TTC12: variants seen among roughly 807,000 people sequenced by gnomAD.
The protein encoded by TTC12 is tetratricopeptide repeat protein 12.
In TTC12, 70 loss-of-function variants were observed where a neutral mutation model predicts 90.1. The ratio of observed to expected loss-of-function variants is 0.78; its 90% CI spans 0.64 to 0.95. The LOEUF is 0.95. TTC12 is among the 40% of genes least tolerant of loss of function. The pLI, the probability that TTC12 is intolerant of heterozygous loss-of-function variation, is 0.00. For synonymous variants in TTC12, 296 were observed against 311.5 expected, an observed-to-expected ratio of 0.95 and a Z score of 0.53; for missense variants, 819 against 846.1, an observed-to-expected ratio of 0.97 and a Z score of 0.40.
intron 18 of TTC12, 132 bp from the exon 19 acceptor site, chr11:113,362,269 G>A (rs1949977519): frequency 1.6e-6 from 1 of 637,624 alleles, no homozygotes; most frequent in Admixed American, 2.8e-5. Context: ...TCTATTATTT[G>A]GCCATCATAT....
intron 16 of TTC12, among the ~76,000 whole-genome samples, chr11:113,358,367 G>T (rs567177752): frequency 1.3e-5 from 2 of 152,154 alleles, no homozygotes; most frequent in African/African-American, 4.8e-5. Context: ...GTGGGCTGGT[G>T]CATGGTGATG....
chr11:113,337,224 A>C (rs11214578), intron 8 of TTC12, among the ~76,000 whole-genome samples: 2,396 of 152,330 alleles, frequency 0.016, 75 homozygotes, highest in African/African-American at 0.054. Context: ...AGACACTGTT[A>C]ATACAGGCAA....
intron 3 of TTC12, 124 bp from the exon 4 acceptor site, chr11:113,323,870 T>G: frequency 1.4e-6 from 1 of 724,674 alleles, no homozygotes; most frequent in Non-Finnish European, 2.3e-6. Context: ...AGCCCTTCAG[T>G]TTTGATGGTT....
intron 7 of TTC12, among the ~76,000 whole-genome samples, chr11:113,330,329 G>T (rs782199327): frequency 1.3e-5 from 2 of 152,174 alleles, no homozygotes; most frequent in Non-Finnish European, 2.9e-5. Flanking sequence ...CTGCAATGCT[G>T]TTCTTCCTTG....
At chr11:113,345,996 C>T (rs181006666) in intron 13 of TTC12, among the ~76,000 whole-genome samples, 348 of 152,260 alleles carry the variant, frequency 2.3e-3, no homozygotes, top group Non-Finnish European at 3.7e-3. Flanking sequence ...TAACGTTCAT[C>T]TCCAGTTGAA....
At chr11:113,323,590 A>C in intron 3 of TTC12, 139 bp downstream of exon 3, 1 of 579,106 alleles carries the variant, frequency 1.7e-6, no homozygotes, top group Non-Finnish European at 2.7e-6. Flanking sequence ...AGAAAGTATA[A>C]AATTTGATTT....
chr11:113,331,895 CAA>C (rs781871655), intron 7 of TTC12, among the ~76,000 whole-genome samples: 13 of 152,116 alleles, frequency 8.5e-5, no homozygotes, highest in Non-Finnish European at 1.3e-4. Flanking sequence ...AAAAAATGTA[CAA>C]AGAGTTCTAA....
chr11:113,344,135 T>C (rs1948820109), intron 12 of TTC12, 137 bp from the exon 13 acceptor site: 1 of 1,010,910 alleles, frequency 9.9e-7, no homozygotes, highest in African/African-American at 1.6e-5. Flanking sequence ...GGTTCTAGAA[T>C]CCACACTCTT....
intron 15 of TTC12, 123 bp downstream of exon 15, chr11:113,351,422 C>T (rs1328506784): frequency 7.3e-6 from 6 of 827,084 alleles, no homozygotes; most frequent in Non-Finnish European, 1.0e-5. Context: ...CATTTATTCA[C>T]AGCTGGAATT....
At chr11:113,363,031 G>T (rs1555155879) in intron 19 of TTC12, among the ~76,000 whole-genome samples, 2 of 152,240 alleles carry the variant, frequency 1.3e-5, no homozygotes, top group African/African-American at 4.8e-5. Context: ...GGGCGAAGGG[G>T]ATTAATACAC....
chr11:113,321,902 G>A (rs1167443465), intron 2 of TTC12, among the ~76,000 whole-genome samples: 1 of 152,180 alleles, frequency 6.6e-6, no homozygotes, highest in Non-Finnish European at 1.5e-5. Context: ...GAGTCCAGCT[G>A]AAACCAGAAC....
chr11:113,347,800 A>G (rs533247790), intron 13 of TTC12, among the ~76,000 whole-genome samples: 5 of 152,318 alleles, frequency 3.3e-5, no homozygotes, highest in African/African-American at 1.2e-4. Context: ...ACTGGAATTC[A>G]TATTCCCAAA....
chr11:113,350,265 C>G (rs1949191823), intron 14 of TTC12, 100 bp downstream of exon 14: 3 of 918,088 alleles, frequency 3.3e-6, no homozygotes, highest in African/African-American at 3.4e-5. Flanking sequence ...TAGGCCAAGT[C>G]TCCAAGTGAG....
intron 7 of TTC12, among the ~76,000 whole-genome samples, chr11:113,333,813 C>T (rs1377040347): frequency 6.6e-6 from 1 of 152,128 alleles, no homozygotes; most frequent in Non-Finnish European, 1.5e-5. Context: ...AATTATTGTT[C>T]TCTCTTTTAT....
At chr11:113,348,263 C>T (rs887649735) in intron 13 of TTC12, among the ~76,000 whole-genome samples, 2 of 152,210 alleles carry the variant, frequency 1.3e-5, no homozygotes, top group East Asian at 3.8e-4. Flanking sequence ...TCCACCTATC[C>T]AGTCGCCTAA....
intron 8 of TTC12, among the ~76,000 whole-genome samples, 170 bp downstream of exon 8, chr11:113,335,207 T>C (rs190512713): frequency 1.3e-5 from 2 of 152,286 alleles, no homozygotes; most frequent in African/African-American, 4.8e-5. Context: ...GGGTGTCAGT[T>C]AGTTCAACTC....
chr11:113,364,962 G>T lies in TTC12; in HGVS notation c.1944G>T (p.Leu648Phe), dbSNP rs149758557. ...CTTCCCTGCTAAAGACGGACCTTTT[G>T]CAGGTCTTGTTAAAGCTTGCAGGCA... ...VASSLLKTDL[L>F]QVLLKLAGSD... Residue 648 changes from leucine to phenylalanine, a missense_variant, in exon 21 of 22, where the codon TTG becomes TTT. Coordinates refer to ENST00000529221, the MANE Select transcript of TTC12 (RefSeq NM_017868.4). 1.2e-5 allele frequency: 19 copies of T among 1,614,078 alleles called. No individual in the cohort carries two copies. In the South Asian group the frequency reaches 1.6e-4, roughly 14 times the overall value.
chr11:113,324,066 T>G (rs1555139943), intron 4 of TTC12, 51 bp downstream of exon 4: 1 of 1,476,920 alleles, frequency 6.8e-7, no homozygotes, highest in South Asian at 1.2e-5. Flanking sequence ...TAGGACCAGT[T>G]TTGATTGATT....
intron 14 of TTC12, 97 bp from the exon 15 acceptor site, chr11:113,351,141 TG>T: frequency 9.0e-7 from 1 of 1,109,186 alleles, no homozygotes; most frequent in Non-Finnish European, 1.3e-6. Flanking sequence ...CTAAATCATA[TG>T]GACCTAGAGT....
Sources: allele counts gnomAD v4.1 joint callset (sites outside exome capture counted in the v4.1 genomes callset), GRCh38; gene constraint gnomAD v4.1.1; transcripts MANE v1.5; gene names NCBI Gene and HGNC (gene_info 2026-07-23, HGNC 2026-07-21).